The following FBXO11 variants were observed in gnomAD, a reference collection of about 807,000 sequenced individuals.
The protein encoded by FBXO11 is F-box only protein 11.
In FBXO11, 13 loss-of-function variants were observed where a neutral mutation model predicts 117.0. That is an observed-to-expected ratio of 0.11 (90% CI 0.07 to 0.18). The LOEUF (loss-of-function observed/expected upper bound fraction) is 0.18. Among genes scored for constraint, FBXO11 ranks in the 10% least tolerant of loss-of-function variants. The probability of loss-of-function intolerance (pLI) is 1.00; values close to 1 mark genes in which losing one functional copy is unlikely to be tolerated. For synonymous variants in FBXO11, 490 were observed against 380.5 expected, an observed-to-expected ratio of 1.29 and a Z score of -3.35; for missense variants, 767 against 1,164.4, an observed-to-expected ratio of 0.66 and a Z score of 4.97.
intron 16 of FBXO11, among the ~76,000 whole-genome samples, chr2:47,817,916 G>A (rs1165244680): frequency 6.6e-6 from 1 of 152,234 alleles, no homozygotes; most frequent in African/African-American, 2.4e-5. Flanking sequence ...GGGAGGCTGA[G>A]GCGGGTGGAT....
At chr2:47,864,744 G>T (rs1288541760) in intron 1 of FBXO11, among the ~76,000 whole-genome samples, 1 of 152,058 alleles carries the variant, frequency 6.6e-6, no homozygotes, top group African/African-American at 2.4e-5. Context: ...TACTCACTAG[G>T]GCAATGACAT....
chr2:47,905,626 G>A lies in FBXO11; in HGVS notation c.95C>T (p.Pro32Leu), dbSNP rs1362227846. 4 of 1,387,092 alleles carry A rather than the reference G, an allele frequency of 2.9e-6. No individual in the cohort carries two copies. The highest frequency in any genetic ancestry group is 1.9e-6 in the Non-Finnish European group (2 of 1,068,526). 85.9% of individuals were successfully genotyped at this position (1,387,092 alleles called of 1,614,324 possible). Residue 32 changes from proline to leucine, a missense_variant, in exon 1 of 23, where the codon CCG becomes CTG. By Grantham distance (98) the Pro-to-Leu change is moderately conservative. Transcript: ENST00000403359. Reference protein sequence around the residue: ...QQQQQPPQQPPPQPPQQQPPQ... With the variant: ...QQQQQPPQQPLPQPPQQQPPQ... The stretch of plus-strand genomic sequence containing the variant: ...CGGCTGCTGCTGGGGCGGCTGCGGC[G>A]GCGGCTGCTGCGGGGGCTGCTGCTG...
chr2:47,860,410 AT>A (rs777150310), intron 1 of FBXO11, among the ~76,000 whole-genome samples: 11,560 of 138,786 alleles, frequency 0.083, 434 homozygotes, highest in Non-Finnish European at 0.11. Flanking sequence ...TTTACCCTGG[AT>A]TTTTTTTTTT....
chr2:47,836,146 T>C lies in FBXO11; in HGVS notation c.588-145A>G, dbSNP rs1572813569. 7 of 392,420 alleles carry C rather than the reference T, an allele frequency of 1.8e-5. No homozygotes were observed. In the East Asian group the frequency reaches 2.7e-4, roughly 15 times the overall value. 24.3% of individuals were successfully genotyped at this position (392,420 alleles called of 1,614,324 possible). ...CAAAAATGAATATTAAATCACAGGA[T>C]TTTTTTTTTGAGACACAGTCTCACT... On this transcript the variant is annotated intron_variant, in intron 4 of 22. Coordinates refer to ENST00000403359, the MANE Select transcript of FBXO11 (RefSeq NM_001190274.2).
intron 16 of FBXO11, 101 bp from the exon 17 acceptor site, chr2:47,813,968 G>C: frequency 1.1e-6 from 1 of 884,152 alleles, no homozygotes; most frequent in Non-Finnish European, 1.8e-6. Context: ...AAGTCACTTA[G>C]TAAGAATTAA....
chr2:47,808,180 C>G lies in FBXO11; in HGVS notation c.2722G>C (p.Asp908His). 1 of 1,613,490 alleles carries G rather than the reference C, an allele frequency of 6.2e-7. No homozygotes were observed. The highest frequency in any genetic ancestry group is 8.5e-7 in the Non-Finnish European group (1 of 1,179,860). The change falls in exon 23 of 23, where the codon GAT (aspartate) becomes CAT (histidine). Residue 908 changes from aspartate to histidine, a missense_variant. Transcript: ENST00000403359. ...GCAGAGTCATATAGTGTATCTGTAT[C>G]ATGTGTAGGCTCACCAGCTAATGTA... ...PCTLAGEPTH[D>H]TDTLYDSAPP...
intron 1 of FBXO11, among the ~76,000 whole-genome samples, chr2:47,890,966 T>A (rs1677217600): frequency 6.6e-6 from 1 of 151,696 alleles, no homozygotes; most frequent in Admixed American, 6.6e-5. Context: ...CACAGGCATG[T>A]GCCACCATAC....
chr2:47,900,166 G>A (rs1163963158), intron 1 of FBXO11, among the ~76,000 whole-genome samples: 3 of 152,050 alleles, frequency 2.0e-5, no homozygotes, highest in African/African-American at 7.2e-5. Flanking sequence ...AACACTAATA[G>A]CAACACTACT....
intron 1 of FBXO11, among the ~76,000 whole-genome samples, chr2:47,847,433 G>C (rs771022243): frequency 2.0e-5 from 3 of 152,148 alleles, no homozygotes; most frequent in Non-Finnish European, 4.4e-5. Context: ...TCATGGCTGG[G>C]TGTGGTGGCT....
chr2:47,895,297 T>C (rs1317788829), intron 1 of FBXO11, among the ~76,000 whole-genome samples: 3 of 152,212 alleles, frequency 2.0e-5, no homozygotes, highest in South Asian at 2.1e-4. Flanking sequence ...ATTCATACAA[T>C]GTAATACTAA....
intron 11 of FBXO11, among the ~76,000 whole-genome samples, chr2:47,827,278 A>C (rs1035342982): frequency 2.0e-5 from 3 of 152,174 alleles, no homozygotes; most frequent in African/African-American, 7.2e-5. Flanking sequence ...TTATGGATTC[A>C]GTTAATGTAA....
intron 1 of FBXO11, among the ~76,000 whole-genome samples, chr2:47,886,592 A>T (rs555026410): frequency 2.0e-5 from 3 of 152,116 alleles, no homozygotes; most frequent in Admixed American, 1.3e-4. Flanking sequence ...GCAGTTCTTT[A>T]ATAGCATACA....
In FBXO11 at chr2:47,877,042, GT is replaced by G. The variant is rs570651515; in HGVS notation, c.232+28446del. ...CTAATGACATCTTACTTAATACAGG[GT>G]TTTTTTTTTTTGAGAGGGTCTTGCT... On this transcript the variant is annotated intron_variant, in intron 1 of 22. Transcript: ENST00000403359. 7.1e-4 allele frequency among the ~76,000 whole-genome samples: 103 copies of G among 144,252 alleles called. 1 individual carries two copies. The highest frequency in any genetic ancestry group is 1.0e-3 in the African/African-American group (40 of 39,392). 94.6% of individuals were successfully genotyped at this position (144,252 alleles called of 152,430 possible).
intron 16 of FBXO11, chr2:47,818,562 A>C: frequency 2.2e-6 from 1 of 460,540 alleles, no homozygotes; most frequent in East Asian, 3.5e-5. Context: ...GAACGGTGGA[A>C]GTGAGCTCTT....
intron 1 of FBXO11, among the ~76,000 whole-genome samples, chr2:47,852,211 A>G (rs540993868): frequency 3.9e-4 from 59 of 152,176 alleles, no homozygotes; most frequent in African/African-American, 1.3e-3. Flanking sequence ...GGTGGTCTCG[A>G]ACTCCTGACC....
intron 1 of FBXO11, among the ~76,000 whole-genome samples, chr2:47,893,650 T>C (rs1378944409): frequency 6.6e-6 from 1 of 152,222 alleles, no homozygotes. Flanking sequence ...TACGTTTGCA[T>C]GGTGATAACC....
At chr2:47,872,617 C>T (rs1200152444) in intron 1 of FBXO11, among the ~76,000 whole-genome samples, 1 of 152,164 alleles carries the variant, frequency 6.6e-6, no homozygotes, top group Non-Finnish European at 1.5e-5. Context: ...AGCCACCGTG[C>T]CTGGCCTTAT....
intron 1 of FBXO11, among the ~76,000 whole-genome samples, chr2:47,900,252 CA>C (rs1678004902): frequency 6.6e-6 from 1 of 152,058 alleles, no homozygotes. Context: ...TTCCTGCCTC[CA>C]AAAGGTTGAG....
intron 1 of FBXO11, among the ~76,000 whole-genome samples, chr2:47,843,287 G>C (rs769709481): frequency 6.6e-5 from 10 of 152,286 alleles, no homozygotes; most frequent in African/African-American, 2.4e-4. Context: ...GTTTAAACAT[G>C]TCTAAAAAGA....
Sources: gnomAD v4.1 joint callset for allele counts (sites outside exome capture counted in the v4.1 genomes callset) on GRCh38, gnomAD v4.1.1 for gene constraint, MANE v1.5 for transcripts, NCBI Gene and HGNC (gene_info 2026-07-23, HGNC 2026-07-21) for gene names.